ZNF705G: variants seen among roughly 807,000 people sequenced by gnomAD.
ZNF705G encodes the protein putative zinc finger protein 705G.
ZNF705G carries 23 observed loss-of-function variants against 19.6 expected under a neutral mutation model. The ratio of observed to expected loss-of-function variants is 1.17; its 90% CI spans 0.84 to 1.66. The LOEUF (loss-of-function observed/expected upper bound fraction) is 1.66. ZNF705G is among the 40% of genes most tolerant of loss of function. ZNF705G has a pLI of 0.00. For missense variants in ZNF705G, 457 were observed against 354.4 expected, an observed-to-expected ratio of 1.29 and a Z score of -2.32; for synonymous variants, 146 against 117.7, an observed-to-expected ratio of 1.24 and a Z score of -1.56.
In ZNF705G at chr8:7,361,113, G is replaced by C. The variant is rs767503102; in HGVS notation, c.136C>G (p.Leu46Val). The C allele has an allele frequency of 1.9e-6, 3 of 1,592,626 alleles. No homozygotes were observed. Among genetic ancestry groups the C allele is most frequent in the East Asian group, 2.2e-5 (1 of 44,860 alleles). The stretch of plus-strand genomic sequence containing the variant: ...ACATGAATGTTCAGGGACTCACCGA[G>C]GGACACCAGGTGACTGATATTTTCC... ...MLENISHLVS[L>V]GYQISKSYII... is the part of the protein sequence containing the mutation. Residue 46 changes from leucine to valine, a missense_variant, in exon 4 of 7, where the codon CTC becomes GTC. Transcript: ENST00000400156.
chr8:7,379,545 G>T (rs151212346), intron 2 of ZNF705G, among the ~76,000 whole-genome samples: 1,871 of 147,074 alleles, frequency 0.013, 40 homozygotes, highest in Non-Finnish European at 0.019. Flanking sequence ...ATGAAAGAGG[G>T]CACTAGAATT....
At position 7,382,505 on chromosome 8, in the gene ZNF705G, A is replaced by G. The variant is rs974869114; in HGVS notation, c.-221-904T>C. ...TCATTTCATGTCTCTGCATCTATCAACTTTCCTTTTGGAAATATAAAGAAA... is the reference window on the plus strand; with the variant it reads ...TCATTTCATGTCTCTGCATCTATCAGCTTTCCTTTTGGAAATATAAAGAAA... On this transcript the variant is annotated intron_variant, in intron 1 of 6. Coordinates refer to ENST00000400156, the MANE Select transcript of ZNF705G (RefSeq NM_001164457.3). Among the ~76,000 whole-genome samples, 7 of 146,458 alleles carry G rather than the reference A, an allele frequency of 4.8e-5. 1 individual carries two copies. The highest frequency in any genetic ancestry group is 8.3e-5 in the African/African-American group (3 of 35,982).
At position 7,380,593 on chromosome 8, in the gene ZNF705G, C is replaced by CA. The variant is rs1276748280; in HGVS notation, c.-72+858dup. On this transcript the variant is annotated intron_variant, in intron 2 of 6. Transcript: ENST00000400156. ...AGGACTACTCTGTCCATCATGTTGC[C>CA]ATGACTGTTGGTGTCTGCACATGCC... 2.7e-5 allele frequency among the ~76,000 whole-genome samples: 4 copies of CA among 146,942 alleles called. No homozygotes were observed. The East Asian group carries it at 7.7e-4, about 28-fold the overall frequency.
chr8:7,384,195 A>G (rs1343403267), intron 1 of ZNF705G, among the ~76,000 whole-genome samples: 2 of 137,352 alleles, frequency 1.5e-5, no homozygotes, highest in Non-Finnish European at 3.0e-5. Flanking sequence ...CCATTCATCA[A>G]CTGAGTGATC....
At position 7,371,426 on chromosome 8, in the gene ZNF705G, A is replaced by C. The variant is rs1031082891; in HGVS notation, c.-71-8409T>G. 1.4e-5 allele frequency among the ~76,000 whole-genome samples: 2 copies of C among 138,936 alleles called. 1 individual carries two copies. The highest frequency in any genetic ancestry group is 5.7e-5 in the African/African-American group (2 of 35,338). The allele number at this position is 138,936 out of a possible 152,430, so 91.1% of individuals were successfully genotyped here. On this transcript the variant is annotated intron_variant, in intron 2 of 6. Transcript: ENST00000400156. ...CTTACAGCTAAGAATACTGTATTAC[A>C]TACTTAAAATTTGCTAAAAGGGTAG...
Position 7,367,016 on chromosome 8 carries a change from A to G in ZNF705G, c.-71-3999T>C, listed in dbSNP as rs547551129. Among the ~76,000 whole-genome samples, 73 of 149,804 alleles carry G rather than the reference A, an allele frequency of 4.9e-4. 9 individuals carry two copies. The highest frequency in any genetic ancestry group is 1.8e-3 in the African/African-American group (69 of 39,188). On this transcript the variant is annotated intron_variant, in intron 2 of 6. Transcript: ENST00000400156. ...TAGTCACATGTGACTAGTAGTTACT[A>G]TTTTGGCCAATACAGATCTAGAATC...
intron 2 of ZNF705G, among the ~76,000 whole-genome samples, chr8:7,380,222 G>A (rs1585429762): frequency 7.0e-6 from 1 of 143,838 alleles, no homozygotes; most frequent in Non-Finnish European, 1.5e-5. Flanking sequence ...GGCATCCTCA[G>A]GGGACCTGGG....
At chr8:7,366,976 T>C (rs1327853413) in intron 2 of ZNF705G, among the ~76,000 whole-genome samples, 3 of 149,694 alleles carry the variant, frequency 2.0e-5, no homozygotes, top group Non-Finnish European at 2.9e-5. Context: ...TTAATTATAA[T>C]TTATTTACAG....
At chr8:7,367,973 C>T (rs1201004947) in intron 2 of ZNF705G, among the ~76,000 whole-genome samples, 2 of 149,672 alleles carry the variant, frequency 1.3e-5, no homozygotes, top group Admixed American at 6.6e-5. Flanking sequence ...ATGCAGTGAA[C>T]TTATCTACCT....
In ZNF705G at chr8:7,356,026, G is replaced by T. The variant is rs1806211641; in HGVS notation, c.*1950C>A. ...GATCGTATTAAGATTGTGCCTGTTT[G>T]GCAAAATTTCAAGTCATCCCACTTA... On this transcript the variant is annotated 3_prime_UTR_variant, in exon 7 of 7. Coordinates refer to ENST00000400156, the MANE Select transcript of ZNF705G (RefSeq NM_001164457.3). 1 of 149,430 alleles carries T rather than the reference G, an allele frequency of 6.7e-6. No individual in the cohort carries two copies. The highest frequency in any genetic ancestry group is 1.5e-5 in the Non-Finnish European group (1 of 68,026). The allele number at this position is 149,430 out of a possible 1,614,324, so 9.3% of individuals were successfully genotyped here. A position where few individuals can be genotyped will look rare whatever the true frequency, so the allele number is the denominator to read the frequency against.
intron 2 of ZNF705G, among the ~76,000 whole-genome samples, chr8:7,380,848 C>A (rs1346594691): frequency 7.0e-6 from 1 of 143,400 alleles, no homozygotes; most frequent in Non-Finnish European, 1.5e-5. Context: ...GGAGAAACTC[C>A]ATCTCTACTA....
At position 7,366,081 on chromosome 8, in the gene ZNF705G, C is replaced by T. The variant is rs546386116; in HGVS notation, c.-71-3064G>A. Among the ~76,000 whole-genome samples the T allele has an allele frequency of 1.5e-4, 22 of 149,486 alleles. 1 individual carries two copies. Among genetic ancestry groups the T allele is most frequent in the African/African-American group, 5.7e-4 (22 of 38,912 alleles). ...GAACAAATAGAAAAGCAAAGATCACCACAGAGTAAAAGAGAATAGATTTTT... is the reference window on the plus strand; with the variant it reads ...GAACAAATAGAAAAGCAAAGATCACTACAGAGTAAAAGAGAATAGATTTTT... On this transcript the variant is annotated intron_variant, in intron 2 of 6. Transcript: ENST00000400156.
At chr8:7,362,172 C>G (rs564501561) in intron 3 of ZNF705G, among the ~76,000 whole-genome samples, 2 of 149,408 alleles carry the variant, frequency 1.3e-5, no homozygotes, top group Non-Finnish European at 2.9e-5. Context: ...TCCACAGAAC[C>G]CTAAATTGTA....
At chr8:7,363,857 T>C (rs1201082756) in intron 2 of ZNF705G, among the ~76,000 whole-genome samples, 3 of 149,184 alleles carry the variant, frequency 2.0e-5, no homozygotes, top group Non-Finnish European at 2.9e-5. Flanking sequence ...GGATAATCAA[T>C]TGAGGGATTT....
At position 7,381,025 on chromosome 8, in the gene ZNF705G, CCAA is replaced by C. The variant is rs1563303328; in HGVS notation, c.-72+424_-72+426del. Among the ~76,000 whole-genome samples the C allele has an allele frequency of 4.0e-4, 13 of 32,282 alleles. 1 individual carries two copies. The highest frequency in any genetic ancestry group is 3.2e-3 in the African/African-American group (13 of 4,042). The allele number at this position is 32,282 out of a possible 152,430, so 21.2% of individuals were successfully genotyped here. A position where few individuals can be genotyped will look rare whatever the true frequency, so the allele number is the denominator to read the frequency against. On this transcript the variant is annotated intron_variant, in intron 2 of 6. Coordinates refer to ENST00000400156, the MANE Select transcript of ZNF705G (RefSeq NM_001164457.3). ...AGCTAGACTCTGTCTCAAACCACCA[CCAA>C]AAAAAAAAAAAAAAAAAAAAAAAAA...
chr8:7,363,499 C>T (rs1310032887), intron 2 of ZNF705G, among the ~76,000 whole-genome samples: 1 of 149,270 alleles, frequency 6.7e-6, no homozygotes, highest in African/African-American at 2.6e-5. Flanking sequence ...TTGTATTTCC[C>T]CTTGGAACTT....
chr8:7,358,559 T>C lies in ZNF705G; in HGVS notation c.320A>G (p.Glu107Gly). 2 of 1,607,374 alleles carry C rather than the reference T, an allele frequency of 1.2e-6. No homozygotes were observed. Among genetic ancestry groups the C allele is most frequent in the Admixed American group, 1.7e-5 (1 of 59,968 alleles). ...RKDASTSMTM[E>G]NSLILEDPFE... is the part of the protein sequence containing the mutation. ...AGGATCCTCCAGAATGAGAGAGTTC[T>C]CCTTTGGGGCAAATATTAAAAGCTC... is the stretch of plus-strand genomic sequence containing the variant. The change falls in exon 7 of 7, where the codon GAG becomes GGG. Residue 107 changes from glutamate (E) to glycine (G), a missense_variant and splice_region_variant. By Grantham distance (98) the Glu-to-Gly change is moderately conservative. Transcript: ENST00000400156.
At position 7,374,646 on chromosome 8, in the gene ZNF705G, A is replaced by T. The variant is rs1262460443; in HGVS notation, c.-72+6806T>A. ...CTGCCAACTTTTTGTAGAAGGCTAGAGAGGAGAGGAGGACACAGAGAGAGG... is the reference window on the plus strand; with the variant it reads ...CTGCCAACTTTTTGTAGAAGGCTAGTGAGGAGAGGAGGACACAGAGAGAGG... On this transcript the variant is annotated intron_variant, in intron 2 of 6. Coordinates refer to ENST00000400156, the MANE Select transcript of ZNF705G (RefSeq NM_001164457.3). Among the ~76,000 whole-genome samples, 2 of 85,720 alleles carry T rather than the reference A, an allele frequency of 2.3e-5. 1 individual carries two copies. The highest frequency in any genetic ancestry group is 2.7e-4 in the Admixed American group (2 of 7,288). 56.2% of individuals were successfully genotyped at this position (85,720 alleles called of 152,430 possible).
At chr8:7,365,007 T>G (rs1368930941) in intron 2 of ZNF705G, among the ~76,000 whole-genome samples, 1 of 149,722 alleles carries the variant, frequency 6.7e-6, no homozygotes, top group African/African-American at 2.6e-5. Flanking sequence ...AATATTTGTG[T>G]GTAATTATAA....
Sources: gnomAD v4.1 joint callset for allele counts (sites outside exome capture counted in the v4.1 genomes callset) on GRCh38, gnomAD v4.1.1 for gene constraint, MANE v1.5 for transcripts, NCBI Gene and HGNC (gene_info 2026-07-23, HGNC 2026-07-21) for gene names.